ZFHX3: variants seen among roughly 807,000 people sequenced by gnomAD.
ZFHX3 encodes zinc finger homeobox protein 3.
Under a neutral mutation model 279.1 loss-of-function variants are expected in ZFHX3, and 42 were observed. The observed-to-expected ratio is 0.15, with a 90% CI of 0.12 to 0.19. The LOEUF (loss-of-function observed/expected upper bound fraction) is 0.19. Ranked by LOEUF, ZFHX3 falls within the 10% of genes least tolerant of loss-of-function variation. The pLI is 1.00. For missense variants in ZFHX3, 4,981 were observed against 4,754.0 expected (o/e 1.05, Z -1.40); for synonymous variants, 2,293 against 1,957.8 (o/e 1.17, Z -4.52).
At chr16:73,868,759 GTTTCTTTCTTTC>G (rs769869549) in intron 1 of ZFHX3, among the ~76,000 whole-genome samples, 18 of 151,234 alleles carry the variant, frequency 1.2e-4, no homozygotes, top group Non-Finnish European at 1.9e-4. Flanking sequence ...ACACTGAAGG[GTTTCTTTCTTTC>G]TTTCTTTCTT....
chr16:73,248,170 G>A (rs371649998), intron 5 of ZFHX3, among the ~76,000 whole-genome samples: 2 of 151,934 alleles, frequency 1.3e-5, no homozygotes, highest in African/African-American at 4.8e-5. Flanking sequence ...TGTATGTGGA[G>A]TGTGTGTGCG....
intron 5 of ZFHX3, among the ~76,000 whole-genome samples, chr16:73,246,507 G>A (rs141205266): frequency 6.6e-6 from 1 of 152,148 alleles, no homozygotes; most frequent in East Asian, 1.9e-4. Flanking sequence ...CGAGGTGCTG[G>A]GTGGGCCAGG....
chr16:72,896,715 T>G (rs2038910205), intron 3 of ZFHX3, among the ~76,000 whole-genome samples: 1 of 152,174 alleles, frequency 6.6e-6, no homozygotes, highest in South Asian at 2.1e-4. Flanking sequence ...GAACATTGAT[T>G]TCTATAAATC....
At chr16:73,120,093 C>A (rs914093835) in intron 7 of ZFHX3, among the ~76,000 whole-genome samples, 1 of 152,104 alleles carries the variant, frequency 6.6e-6, no homozygotes, top group Non-Finnish European at 1.5e-5. Context: ...AAGTGAAATA[C>A]ACAGTTGATG....
chr16:73,789,474 C>G (rs182108529), intron 1 of ZFHX3, among the ~76,000 whole-genome samples: 205 of 152,208 alleles, frequency 1.3e-3, no homozygotes, highest in Non-Finnish European at 1.6e-3. Flanking sequence ...GCCACCGTGC[C>G]CGGCTGGGAA....
intron 5 of ZFHX3, among the ~76,000 whole-genome samples, chr16:73,226,601 G>A (rs890676412): frequency 6.6e-6 from 1 of 152,226 alleles, no homozygotes; most frequent in Non-Finnish European, 1.5e-5. Flanking sequence ...GTGTATTGTA[G>A]CCACCTTTGC....
At chr16:73,159,005 G>C (rs2144854321) in intron 5 of ZFHX3, among the ~76,000 whole-genome samples, 1 of 152,276 alleles carries the variant, frequency 6.6e-6, no homozygotes, top group Non-Finnish European at 1.5e-5. Context: ...GTACCACTCT[G>C]GACATAGGAA....
chr16:73,258,017 C>T (rs992129599), intron 4 of ZFHX3, among the ~76,000 whole-genome samples: 1 of 152,220 alleles, frequency 6.6e-6, no homozygotes, highest in Non-Finnish European at 1.5e-5. Context: ...CCCCACCCTC[C>T]AGTTATGACA....
At chr16:73,126,318 A>C (rs112661928) in intron 7 of ZFHX3, among the ~76,000 whole-genome samples, 11 of 152,308 alleles carry the variant, frequency 7.2e-5, no homozygotes, top group South Asian at 2.1e-4. Context: ...GATACTGCAG[A>C]GGTCCAAGCA....
intron 1 of ZFHX3, among the ~76,000 whole-genome samples, chr16:73,785,841 C>T (rs964739121): frequency 2.0e-5 from 3 of 152,038 alleles, no homozygotes; most frequent in Admixed American, 1.3e-4. Flanking sequence ...TCATTTGTTG[C>T]CTGGGTACTT....
chr16:73,766,170 T>C (rs913437971), intron 1 of ZFHX3, among the ~76,000 whole-genome samples: 1 of 152,196 alleles, frequency 6.6e-6, no homozygotes, highest in African/African-American at 2.4e-5. Context: ...TAGTCCCTCA[T>C]AGTGACAGCG....
intron 3 of ZFHX3, among the ~76,000 whole-genome samples, chr16:73,412,040 A>G (rs759452873): frequency 2.0e-5 from 3 of 152,192 alleles, no homozygotes; most frequent in Non-Finnish European, 4.4e-5. Context: ...ATAAAAATAA[A>G]TATCAGCCAG....
At chr16:73,433,150 C>T (rs2017938370) in intron 3 of ZFHX3, among the ~76,000 whole-genome samples, 1 of 152,210 alleles carries the variant, frequency 6.6e-6, no homozygotes, top group South Asian at 2.1e-4. Flanking sequence ...AGTAGAGCAT[C>T]TAGGCAGGTC....
chr16:73,260,909 C>T (rs2013807103), intron 4 of ZFHX3, among the ~76,000 whole-genome samples: 1 of 152,092 alleles, frequency 6.6e-6, no homozygotes, highest in Non-Finnish European at 1.5e-5. Flanking sequence ...GTCTCGAACT[C>T]CTGACCTCAG....
At chr16:73,501,033 C>G (rs1435916967) in intron 2 of ZFHX3, among the ~76,000 whole-genome samples, 4 of 152,258 alleles carry the variant, frequency 2.6e-5, no homozygotes, top group African/African-American at 9.6e-5. Flanking sequence ...GGGTCCTACA[C>G]AGGGGTACCA....
chr16:72,957,285 G>C (rs1271280831), intron 2 of ZFHX3, 142 bp downstream of exon 2: 5 of 943,294 alleles, frequency 5.3e-6, no homozygotes, highest in Non-Finnish European at 7.9e-6. Context: ...GAGAATACTT[G>C]ATTGTAAGAC....
intron 1 of ZFHX3, among the ~76,000 whole-genome samples, chr16:72,970,362 A>G (rs919790846): frequency 1.3e-5 from 2 of 152,124 alleles, no homozygotes; most frequent in African/African-American, 4.8e-5. Flanking sequence ...GGCAATTTAA[A>G]CAGCTATAGT....
chr16:73,507,467 T>C (rs2019346826), intron 2 of ZFHX3, among the ~76,000 whole-genome samples: 1 of 147,398 alleles, frequency 6.8e-6, no homozygotes. Context: ...AGAAAATGCG[T>C]GAAATTCAGC....
In ZFHX3 at chr16:72,797,853, G is replaced by A; in HGVS notation, c.4829C>T (p.Thr1610Ile). ...TCNVAYSQSS[T>I]LEIHMRSVLH... ...CACAGACCTCATATGGATCTCCAGA[G>A]TGGAACTCTGGCTGTAGGCCACATT... The change falls in exon 9 of 10, where the codon ACT becomes ATT. Residue 1610 changes from threonine to isoleucine, a missense_variant. Around this residue, in one of 7 missense-constraint regions of ZFHX3, gnomAD observed 1,751 missense variants for 1,770.0 expected, o/e 0.99. Coordinates refer to ENST00000268489, the MANE Select transcript of ZFHX3 (RefSeq NM_006885.4). 6.2e-7 allele frequency: 1 copy of A among 1,614,202 alleles called. No homozygotes were observed. Among genetic ancestry groups the A allele is most frequent in the Non-Finnish European group, 8.5e-7 (1 of 1,180,056 alleles).
Sources: gnomAD v4.1 joint callset for allele counts (sites outside exome capture counted in the v4.1 genomes callset) on GRCh38, gnomAD v4.1.1 for gene constraint, gnomAD v4.1.1 regional missense constraint, MANE v1.5 for transcripts, NCBI Gene and HGNC (gene_info 2026-07-23, HGNC 2026-07-21) for gene names.